The following SLF1 variants were observed in gnomAD, a reference collection of about 807,000 sequenced individuals.
SLF1 encodes the protein SMC5/6 complex localization factor 1, also known as SMC5-SMC6 complex localization factor protein 1.
Under a neutral mutation model 123.0 loss-of-function variants are expected in SLF1, and 105 were observed. The ratio of observed to expected loss-of-function variants is 0.85; its 90% CI spans 0.73 to 1.00. SLF1 has a LOEUF of 1.00. Among genes scored for constraint, SLF1 ranks in the 50% least tolerant of loss-of-function variants. SLF1 has a pLI of 0.00. For synonymous variants in SLF1, 434 were observed against 406.6 expected (o/e 1.07, Z -0.81); for missense variants, 1,239 against 1,223.0 (o/e 1.01, Z -0.20).
chr5:94,634,036 A>G (rs1024070080), intron 4 of SLF1, among the ~76,000 whole-genome samples: 2 of 152,134 alleles, frequency 1.3e-5, no homozygotes, highest in African/African-American at 4.8e-5. Flanking sequence ...TTAAGTTCAG[A>G]GTATTTTTAA....
Position 94,684,509 on chromosome 5 carries a change from T to C in SLF1, c.1976-2064T>C, listed in dbSNP as rs181803556. Among the ~76,000 whole-genome samples, 686 of 151,982 alleles carry C rather than the reference T, an allele frequency of 4.5e-3. 23 individuals are homozygous for C. The highest frequency in any genetic ancestry group is 0.042 in the Admixed American group (638 of 15,274). Reference sequence around the variant, plus strand: ...GTCAGGAGATTGAGACCATCCTGGCTAACACGGTGAAACCCTGTCTCTACT... The same window carrying C: ...GTCAGGAGATTGAGACCATCCTGGCCAACACGGTGAAACCCTGTCTCTACT... On this transcript the variant is annotated intron_variant, in intron 15 of 20. Coordinates refer to ENST00000265140, the MANE Select transcript of SLF1 (RefSeq NM_032290.4).
At chr5:94,622,951 A>G (rs1791924735) in intron 1 of SLF1, among the ~76,000 whole-genome samples, 1 of 152,072 alleles carries the variant, frequency 6.6e-6, no homozygotes, top group Non-Finnish European at 1.5e-5. Flanking sequence ...CTTTTTCCCA[A>G]GGGTTGTACC....
intron 3 of SLF1, 150 bp downstream of exon 3, chr5:94,629,317 T>C (rs1215626853): frequency 3.6e-6 from 2 of 554,426 alleles, no homozygotes; most frequent in East Asian, 3.2e-5. Flanking sequence ...TTTTTTGGCT[T>C]ATTACTCTTC....
chr5:94,682,364 T>TA (rs1339816098), intron 15 of SLF1, among the ~76,000 whole-genome samples: 2 of 151,460 alleles, frequency 1.3e-5, no homozygotes, highest in East Asian at 4.1e-4. Flanking sequence ...GATATTCCTT[T>TA]TAAAAAAAAT....
Position 94,695,385 on chromosome 5 carries a change from C to T in SLF1, c.*73C>T. The T allele has an allele frequency of 7.1e-7, 1 of 1,408,520 alleles. No individual in the cohort carries two copies. The highest frequency in any genetic ancestry group is 1.5e-5 in the African/African-American group (1 of 68,918). The allele number at this position is 1,408,520 out of a possible 1,614,324, so 87.3% of individuals were successfully genotyped here. A position where few individuals can be genotyped will look rare whatever the true frequency, so the allele number is the denominator to read the frequency against. On this transcript the variant is annotated 3_prime_UTR_variant, in exon 21 of 21. Coordinates refer to ENST00000265140, the MANE Select transcript of SLF1 (RefSeq NM_032290.4). ...TTGGTACTTACTGTGGACTTCATAG[C>T]TTACTGACAGATAGTAATTTGATTT... is the stretch of plus-strand genomic sequence containing the variant.
intron 15 of SLF1, among the ~76,000 whole-genome samples, chr5:94,685,912 G>GT: frequency 6.6e-6 from 1 of 151,406 alleles, no homozygotes; most frequent in African/African-American, 2.4e-5. Context: ...ATACATGCTC[G>GT]TTTCATGTTT....
intron 17 of SLF1, 44 bp from the exon 18 acceptor site, chr5:94,689,429 T>A: frequency 6.3e-7 from 1 of 1,586,726 alleles, no homozygotes; most frequent in Non-Finnish European, 8.6e-7. Context: ...CTGGCACGCC[T>A]TGCTGAAAAA....
intron 14 of SLF1, among the ~76,000 whole-genome samples, chr5:94,674,377 GT>G (rs1181526566): frequency 6.6e-6 from 1 of 152,154 alleles, no homozygotes; most frequent in Non-Finnish European, 1.5e-5. Context: ...GTGTGAAGCA[GT>G]CTGCAATAAA....
At chr5:94,675,126 G>A in intron 14 of SLF1, among the ~76,000 whole-genome samples, 1 of 152,210 alleles carries the variant, frequency 6.6e-6, no homozygotes, top group East Asian at 1.9e-4. Context: ...GGATATCATG[G>A]AAATCCCTAA....
chr5:94,621,085 T>A (rs1012843510), intron 1 of SLF1, among the ~76,000 whole-genome samples: 5 of 152,252 alleles, frequency 3.3e-5, no homozygotes, highest in Admixed American at 6.5e-5. Context: ...ATGTTTAAAT[T>A]TTTTCAGTGA....
At chr5:94,640,275 GT>G (rs529538160) in intron 4 of SLF1, among the ~76,000 whole-genome samples, 2 of 152,066 alleles carry the variant, frequency 1.3e-5, no homozygotes, top group African/African-American at 4.8e-5. Context: ...TGGGTCGACA[GT>G]TTTTTTCACT....
chr5:94,650,934 GAAT>G (rs1747643730), intron 6 of SLF1, among the ~76,000 whole-genome samples: 1 of 152,056 alleles, frequency 6.6e-6, no homozygotes, highest in Admixed American at 6.5e-5. Flanking sequence ...CATGGCAAAA[GAAT>G]AAAATAGAAA....
chr5:94,695,145 A>G lies in SLF1; in HGVS notation c.3010A>G (p.Thr1004Ala), dbSNP rs1363423887. ...KSHKETTSVH[T>A]DWLLDLYAGN... Reference sequence around the variant, plus strand: ...TCATAAAGAAACCACCAGTGTTCATACTGACTGGTTACTGGATCTTTATGC... The same window carrying G: ...TCATAAAGAAACCACCAGTGTTCATGCTGACTGGTTACTGGATCTTTATGC... Residue 1004 changes from threonine to alanine, a missense_variant, in exon 21 of 21, where the codon ACT becomes GCT. Physicochemically the swap from Thr to Ala is moderately conservative, Grantham distance 58. Coordinates refer to ENST00000265140, the MANE Select transcript of SLF1 (RefSeq NM_032290.4). 5.6e-6 allele frequency: 9 copies of G among 1,612,746 alleles called. No individual in the cohort carries two copies. The highest frequency in any genetic ancestry group is 7.6e-6 in the Non-Finnish European group (9 of 1,179,130).
At position 94,643,336 on chromosome 5, in the gene SLF1, T is replaced by A; in HGVS notation, c.495T>A (p.His165Gln). 1 of 1,545,776 alleles carries A rather than the reference T, an allele frequency of 6.5e-7. No homozygotes were observed. The highest frequency in any genetic ancestry group is 8.7e-7 in the Non-Finnish European group (1 of 1,144,148). ...AAAGTTCACCAAGTGGAATAACTCA[T>A]GTGATTGCCAGTAATGCAAGAATTA... ...LPKSSPSGITHVIASNARIKA... is the reference protein window; with the variant it reads ...LPKSSPSGITQVIASNARIKA... The change falls in exon 5 of 21, where the codon CAT becomes CAA. Residue 165 changes from histidine (H) to glutamine (Q), a missense_variant. Physicochemically the swap from His to Gln is conservative, Grantham distance 24 (BLOSUM62 0). Coordinates refer to ENST00000265140, the MANE Select transcript of SLF1 (RefSeq NM_032290.4).
In SLF1 at chr5:94,670,742, T is replaced by C. The variant is rs1750343783; in HGVS notation, c.1662-101T>C. On this transcript the variant is annotated intron_variant, in intron 13 of 20. Transcript: ENST00000265140. The stretch of plus-strand genomic sequence containing the variant: ...TATAATCTTTATATTTTATGATCTA[T>C]GTTCAAAAATTGCTAGCATTTTTTT... 3.8e-6 allele frequency: 3 copies of C among 783,372 alleles called. No homozygotes were observed. The South Asian group carries it at 6.0e-5, about 16-fold the overall frequency. The allele number at this position is 783,372 out of a possible 1,614,324, so 48.5% of individuals were successfully genotyped here. A position where few individuals can be genotyped will look rare whatever the true frequency, so the allele number is the denominator to read the frequency against.
chr5:94,688,456 T>C lies in SLF1; in HGVS notation c.2122-50T>C, dbSNP rs1468353115. On this transcript the variant is annotated intron_variant, in intron 16 of 20. Coordinates refer to ENST00000265140, the MANE Select transcript of SLF1 (RefSeq NM_032290.4). ...TGAAATGAATCAAATAATTTCTCTTTACTGCTGTTTTTGTAGTTGAGAAAA... is the reference window on the plus strand; with the variant it reads ...TGAAATGAATCAAATAATTTCTCTTCACTGCTGTTTTTGTAGTTGAGAAAA... 25 of 1,555,708 alleles carry C rather than the reference T, an allele frequency of 1.6e-5. No individual in the cohort carries two copies. In the Admixed American group the frequency reaches 3.8e-4, roughly 23 times the overall value.
At chr5:94,689,333 A>G in intron 17 of SLF1, 140 bp from the exon 18 acceptor site, 2 of 870,288 alleles carry the variant, frequency 2.3e-6, no homozygotes, top group Non-Finnish European at 1.6e-6. Context: ...ATAAATTTTA[A>G]AATTAGAAAG....
chr5:94,692,352 G>A (rs1329432424), intron 20 of SLF1, 96 bp downstream of exon 20: 6 of 1,203,796 alleles, frequency 5.0e-6, no homozygotes, highest in South Asian at 3.6e-5. Context: ...AAATCTGTAA[G>A]GAAAGATGCC....
chr5:94,692,734 C>T (rs1408447635), intron 20 of SLF1, among the ~76,000 whole-genome samples: 1 of 151,942 alleles, frequency 6.6e-6, no homozygotes, highest in Admixed American at 6.6e-5. Context: ...GAATATTTTT[C>T]GTCATTCACA....
Sources: allele counts gnomAD v4.1 joint callset (sites outside exome capture counted in the v4.1 genomes callset), GRCh38; gene constraint gnomAD v4.1.1; transcripts MANE v1.5; gene names NCBI Gene and HGNC (gene_info 2026-07-23, HGNC 2026-07-21).